DENND4C: variants seen among roughly 807,000 people sequenced by gnomAD.
DENND4C encodes DENN domain-containing protein 4C.
A neutral mutation model predicts 203.0 loss-of-function variants in DENND4C; 108 were observed. The observed-to-expected ratio is 0.53, with a 90% CI of 0.46 to 0.62. DENND4C has a LOEUF of 0.62. Ranked by LOEUF, DENND4C falls within the 20% of genes least tolerant of loss-of-function variation. The pLI is 0.00. For missense variants in DENND4C, 2,481 were observed against 2,301.2 expected (o/e 1.08, Z -1.60); for synonymous variants, 871 against 792.4 (o/e 1.10, Z -1.67).
At position 19,332,083 on chromosome 9, in the gene DENND4C, C is replaced by G; in HGVS notation, c.2359C>G (p.Pro787Ala). The G allele has an allele frequency of 6.2e-7, 1 of 1,614,020 alleles. No individual in the cohort carries two copies. ...HCYSLWFICL[P>A]AYVRVSHPKV... Reference sequence around the variant, plus strand: ...TTACAGTTTATGGTTTATTTGTCTTCCGGCCTATGTTAGAGTTTCTCATCC... The same window carrying G: ...TTACAGTTTATGGTTTATTTGTCTTGCGGCCTATGTTAGAGTTTCTCATCC... The change falls in exon 17 of 33, where the codon CCG (proline) becomes GCG (alanine). Residue 787 changes from proline to alanine, a missense_variant. Physicochemically the swap from Pro to Ala is conservative, Grantham distance 27. This residue lies in a region of DENND4C where 2,289 missense variants were observed against 2,113.3 expected (regional missense o/e 1.08). Transcript: ENST00000434457.
chr9:19,316,392 T>C, intron 10 of DENND4C, 25 bp from the exon 11 acceptor site: 1 of 1,575,960 alleles, frequency 6.3e-7, no homozygotes, highest in Non-Finnish European at 8.6e-7. Context: ...TAACACATTT[T>C]ATGAATTTTG....
intron 12 of DENND4C, among the ~76,000 whole-genome samples, chr9:19,322,288 G>C (rs1843003962): frequency 6.6e-6 from 1 of 152,140 alleles, no homozygotes; most frequent in South Asian, 2.1e-4. Flanking sequence ...TGCAGATCCA[G>C]AGAAGGCAAG....
chr9:19,242,046 C>T (rs569822691), intron 1 of DENND4C, among the ~76,000 whole-genome samples: 1 of 152,212 alleles, frequency 6.6e-6, no homozygotes, highest in African/African-American at 2.4e-5. Context: ...ATAGTTTCAC[C>T]TCCATGAGAT....
intron 1 of DENND4C, among the ~76,000 whole-genome samples, chr9:19,240,997 G>A (rs911260183): frequency 6.6e-6 from 1 of 152,070 alleles, no homozygotes; most frequent in Non-Finnish European, 1.5e-5. Context: ...AGAACAGAAC[G>A]GAACACAGAA....
At chr9:19,281,597 A>C (rs1470343224) in intron 2 of DENND4C, among the ~76,000 whole-genome samples, 1 of 152,232 alleles carries the variant, frequency 6.6e-6, no homozygotes, top group Non-Finnish European at 1.5e-5. Flanking sequence ...TTCTCTAGAA[A>C]AGATGTTAAG....
chr9:19,290,593 A>G (rs954951149), intron 4 of DENND4C, 111 bp from the exon 5 acceptor site: 1 of 702,914 alleles, frequency 1.4e-6, no homozygotes, highest in Non-Finnish European at 2.1e-6. Context: ...AAAATACCAC[A>G]CAAGTATTGC....
Position 19,359,120 on chromosome 9 carries a change from A to G in DENND4C, c.5160+960A>G, listed in dbSNP as rs1825954314. Among the ~76,000 whole-genome samples the G allele has an allele frequency of 2.0e-5, 3 of 151,594 alleles. No individual in the cohort carries two copies. In the South Asian group the frequency reaches 6.2e-4, roughly 31 times the overall value. On this transcript the variant is annotated intron_variant, in intron 28 of 32. Coordinates refer to ENST00000434457, the MANE Select transcript of DENND4C (RefSeq NM_001330640.2). ...AGTGGAAAGGCAGGTTAAATGCTTG[A>G]TTTTTTCCTTTTATTTAGAGTTTTC...
intron 1 of DENND4C, among the ~76,000 whole-genome samples, chr9:19,256,293 TTC>T (rs1827905539): frequency 7.1e-6 from 1 of 141,232 alleles, no homozygotes; most frequent in Non-Finnish European, 1.5e-5. Context: ...TTTTTTTCTT[TTC>T]TGTTTTTTTT....
intron 28 of DENND4C, among the ~76,000 whole-genome samples, chr9:19,359,307 C>T (rs1825991356): frequency 6.6e-6 from 1 of 151,860 alleles, no homozygotes; most frequent in South Asian, 2.1e-4. Flanking sequence ...TCCTAAACTC[C>T]TGAGCTCAAG....
intron 1 of DENND4C, among the ~76,000 whole-genome samples, chr9:19,245,201 G>A (rs1824848733): frequency 6.6e-6 from 1 of 152,036 alleles, no homozygotes; most frequent in Non-Finnish European, 1.5e-5. Context: ...AGGTGCGGTG[G>A]CTCACGCCTG....
chr9:19,342,124 C>CAAAAA (rs34191941), intron 21 of DENND4C, among the ~76,000 whole-genome samples: 4 of 61,856 alleles, frequency 6.5e-5, no homozygotes, highest in African/African-American at 2.2e-4. Flanking sequence ...GACTCCATCT[C>CAAAAA]AAAAAAAAAA....
intron 10 of DENND4C, among the ~76,000 whole-genome samples, chr9:19,310,054 A>C (rs961066718): frequency 7.2e-5 from 11 of 152,158 alleles, no homozygotes; most frequent in African/African-American, 2.4e-4. Context: ...TTTTATTGCT[A>C]CTGTAGATGG....
At chr9:19,347,270 A>G (rs1038832779) in intron 23 of DENND4C, among the ~76,000 whole-genome samples, 184 bp downstream of exon 23, 7 of 152,138 alleles carry the variant, frequency 4.6e-5, no homozygotes, top group East Asian at 1.9e-4. Context: ...AGTTGGGTCT[A>G]TAGGGGTGTG....
chr9:19,324,067 G>C (rs561223923), intron 12 of DENND4C, among the ~76,000 whole-genome samples: 1 of 152,140 alleles, frequency 6.6e-6, no homozygotes, highest in Non-Finnish European at 1.5e-5. Flanking sequence ...TGTGTATAAT[G>C]TATATGTGAA....
At chr9:19,334,102 T>A (rs1819881735) in intron 17 of DENND4C, among the ~76,000 whole-genome samples, 1 of 152,200 alleles carries the variant, frequency 6.6e-6, no homozygotes, top group Non-Finnish European at 1.5e-5. Flanking sequence ...TAGCATGCAG[T>A]GGCGCAGTCT....
At chr9:19,299,476 T>G (rs1282741729) in intron 8 of DENND4C, among the ~76,000 whole-genome samples, 189 bp downstream of exon 8, 2 of 152,150 alleles carry the variant, frequency 1.3e-5, no homozygotes. Context: ...GGGGCTATTT[T>G]ATAAATGGGA....
chr9:19,308,313 C>G (rs1840080181), intron 10 of DENND4C, among the ~76,000 whole-genome samples: 1 of 152,156 alleles, frequency 6.6e-6, no homozygotes, highest in Non-Finnish European at 1.5e-5. Flanking sequence ...TGAGAGTTCT[C>G]TTTGTTTCAT....
intron 1 of DENND4C, among the ~76,000 whole-genome samples, chr9:19,254,964 C>G (rs941738683): frequency 4.6e-5 from 7 of 152,014 alleles, no homozygotes; most frequent in Non-Finnish European, 1.0e-4. Flanking sequence ...GAAACCCTGT[C>G]TGTACTAAAA....
At chr9:19,313,498 C>T (rs146106294) in intron 10 of DENND4C, among the ~76,000 whole-genome samples, 1 of 152,164 alleles carries the variant, frequency 6.6e-6, no homozygotes, top group Non-Finnish European at 1.5e-5. Flanking sequence ...ACGATAATGA[C>T]AGTATTTTAT....
Sources: allele counts gnomAD v4.1 joint callset (sites outside exome capture counted in the v4.1 genomes callset), GRCh38; gene constraint gnomAD v4.1.1; regional missense constraint gnomAD v4.1.1; transcripts MANE v1.5; gene names NCBI Gene and HGNC (gene_info 2026-07-23, HGNC 2026-07-21).